GSTO1: variants seen among roughly 807,000 people sequenced by gnomAD.
GSTO1 encodes the protein glutathione S-transferase omega 1, also known as glutathione S-transferase omega-1.
Under a neutral mutation model 23.8 loss-of-function variants are expected in GSTO1, and 27 were observed. The ratio of observed to expected loss-of-function variants is 1.13; its 90% CI spans 0.83 to 1.56. GSTO1 has a LOEUF of 1.56. GSTO1 is among the 40% of genes most tolerant of loss of function. The pLI, the probability that GSTO1 is intolerant of heterozygous loss-of-function variation, is 0.00. For synonymous variants in GSTO1, 105 were observed against 109.3 expected (o/e 0.96, Z 0.25); for missense variants, 255 against 285.8 (o/e 0.89, Z 0.78).
intron 2 of GSTO1, 77 bp from the exon 3 acceptor site, chr10:104,259,499 T>C (rs1286947600): frequency 1.1e-6 from 1 of 876,514 alleles, no homozygotes; most frequent in African/African-American, 1.7e-5. Flanking sequence ...GCTAAGTGGA[T>C]GGCAAAGCCA....
rs1807285538 is a variant in GSTO1 at position 104,255,288 on chromosome 10, G to A, written c.143+17G>A. On this transcript the variant is annotated intron_variant, in intron 2 of 5. Coordinates refer to ENST00000369713, the MANE Select transcript of GSTO1 (RefSeq NM_004832.3). ...GGGAATCAGGTGGGCACCCAGGCGGGGGACGCTCCCCGAGCCGTCCGGGAG... is the reference window on the plus strand; with the variant it reads ...GGGAATCAGGTGGGCACCCAGGCGGAGGACGCTCCCCGAGCCGTCCGGGAG... The A allele has an allele frequency of 6.4e-7, 1 of 1,555,668 alleles. No homozygotes were observed. The highest frequency in any genetic ancestry group is 1.7e-5 in the Admixed American group (1 of 59,822).
chr10:104,264,541 C>T (rs757096433), intron 4 of GSTO1, among the ~76,000 whole-genome samples: 4 of 152,204 alleles, frequency 2.6e-5, no homozygotes, highest in Non-Finnish European at 4.4e-5. Flanking sequence ...AATTCGCCTT[C>T]TTAAAATTTC....
intron 5 of GSTO1, among the ~76,000 whole-genome samples, chr10:104,266,703 C>T (rs1040661457): frequency 6.6e-6 from 1 of 150,646 alleles, no homozygotes; most frequent in African/African-American, 2.5e-5. Context: ...CACTGAACTC[C>T]AGCCTGGGCA....
intron 2 of GSTO1, among the ~76,000 whole-genome samples, chr10:104,256,886 ATT>A (rs112642328): frequency 0.024 from 3,459 of 144,678 alleles, 133 homozygotes; most frequent in African/African-American, 0.081. Context: ...GAGCCAAATA[ATT>A]TTTTTTTTTT....
At position 104,254,892 on chromosome 10, in the gene GSTO1, G is replaced by A; in HGVS notation, c.-37G>A. On this transcript the variant is annotated 5_prime_UTR_variant, in exon 1 of 6. Coordinates refer to ENST00000369713, the MANE Select transcript of GSTO1 (RefSeq NM_004832.3). ...GCGCCACCTACTTCCTGAATCCCCTGCAAACCCCAGAGGAGCTCGGCCTGC... is the reference window on the plus strand; with the variant it reads ...GCGCCACCTACTTCCTGAATCCCCTACAAACCCCAGAGGAGCTCGGCCTGC... The A allele has an allele frequency of 1.2e-6, 2 of 1,606,704 alleles. No homozygotes were observed. The highest frequency in any genetic ancestry group is 1.7e-6 in the Non-Finnish European group (2 of 1,176,080).
intron 2 of GSTO1, among the ~76,000 whole-genome samples, chr10:104,256,110 G>C (rs1378365742): frequency 6.6e-6 from 1 of 152,066 alleles, no homozygotes; most frequent in Admixed American, 6.5e-5. Flanking sequence ...AATCTTTAGG[G>C]GTAGGCAATT....
At chr10:104,259,174 G>C (rs1385499130) in intron 2 of GSTO1, among the ~76,000 whole-genome samples, 1 of 152,178 alleles carries the variant, frequency 6.6e-6, no homozygotes, top group African/African-American at 2.4e-5. Flanking sequence ...ATGAAATCAA[G>C]TTCTCAAAGA....
chr10:104,259,915 G>C (rs1386565950), intron 3 of GSTO1, 117 bp downstream of exon 3: 2 of 679,310 alleles, frequency 2.9e-6, no homozygotes, highest in Non-Finnish European at 2.6e-6. Flanking sequence ...GAATATGCTT[G>C]TCAGCTCTGA....
In GSTO1 at chr10:104,255,012, G is replaced by A; in HGVS notation, c.34+50G>A. On this transcript the variant is annotated intron_variant, in intron 1 of 5. Transcript: ENST00000369713. ...GGGGTGATCTCGGCGACCCCCGGCG[G>A]CATGTTCGAGGCTGCTCCGGGAGCC... The A allele has an allele frequency of 2.8e-6, 4 of 1,417,896 alleles. No individual in the cohort carries two copies. In the Admixed American group the frequency reaches 5.5e-5, roughly 20 times the overall value. The allele number at this position is 1,417,896 out of a possible 1,614,324, so 87.8% of individuals were successfully genotyped here. A position where few individuals can be genotyped will look rare whatever the true frequency, so the allele number is the denominator to read the frequency against.
chr10:104,261,813 G>C (rs533694652), intron 3 of GSTO1, among the ~76,000 whole-genome samples: 2 of 152,260 alleles, frequency 1.3e-5, no homozygotes, highest in South Asian at 4.1e-4. Flanking sequence ...AGGATGAGTG[G>C]ACTTCTGCGT....
At chr10:104,260,834 A>G (rs934731499) in intron 3 of GSTO1, among the ~76,000 whole-genome samples, 1 of 152,192 alleles carries the variant, frequency 6.6e-6, no homozygotes, top group Non-Finnish European at 1.5e-5. Context: ...GGACAGGAAG[A>G]GTGAGTCATC....
chr10:104,256,787 T>TA (rs559189356), intron 2 of GSTO1, among the ~76,000 whole-genome samples: 3,518 of 152,160 alleles, frequency 0.023, 134 homozygotes, highest in African/African-American at 0.08. Flanking sequence ...TTTTTTTTTT[T>TA]AAATAACAAA....
upstream of GSTO1, chr10:104,254,850 A>G: frequency 7.3e-7 from 1 of 1,366,936 alleles, no homozygotes; most frequent in Non-Finnish European, 1.0e-6. Flanking sequence ...GGGGGAGGGA[A>G]GGAGGGCGGG....
In GSTO1 at chr10:104,255,171, C is replaced by G; in HGVS notation, c.43C>G (p.Pro15Ala). The G allele has an allele frequency of 1.2e-6, 2 of 1,611,900 alleles. No homozygotes were observed. The highest frequency in any genetic ancestry group is 1.7e-6 in the Non-Finnish European group (2 of 1,178,268). The stretch of plus-strand genomic sequence containing the variant: ...TCGCTTCTCCCCGGCAGGAAGCGCG[C>G]CCCCGGGGCCGGTCCCGGAGGGCTC... ...SARSLGKGSA[P>A]PGPVPEGSIR... The change falls in exon 2 of 6, where the codon CCC becomes GCC. Residue 15 changes from proline to alanine, a missense_variant. Physicochemically the swap from Pro to Ala is conservative, Grantham distance 27. Coordinates refer to ENST00000369713, the MANE Select transcript of GSTO1 (RefSeq NM_004832.3).
intron 2 of GSTO1, among the ~76,000 whole-genome samples, 156 bp downstream of exon 2, chr10:104,255,427 T>C (rs1270522794): frequency 6.6e-6 from 1 of 152,210 alleles, no homozygotes; most frequent in South Asian, 2.1e-4. Flanking sequence ...TAGCAAGTTA[T>C]AGGCCATTCC....
intron 3 of GSTO1, among the ~76,000 whole-genome samples, chr10:104,262,323 A>G (rs1011463018): frequency 1.3e-5 from 2 of 152,256 alleles, no homozygotes; most frequent in Non-Finnish European, 1.5e-5. Context: ...CCATTAGGCC[A>G]TTTCTCAGCA....
At position 104,267,318 on chromosome 10, in the gene GSTO1, A is replaced by G. The variant is rs2011205193; in HGVS notation, c.639A>G (p.Ser213=). The G allele has an allele frequency of 6.2e-7, 1 of 1,613,436 alleles. No homozygotes were observed. Among genetic ancestry groups the G allele is most frequent in the South Asian group, 1.1e-5 (1 of 91,070 alleles). ...MAAMKEDPTV[S]ALLTSEKDWQ... ...CCATGAAGGAAGATCCCACAGTCTC[A>G]GCCCTGCTTACTAGTGAGAAAGACT... is the stretch of plus-strand genomic sequence containing the variant. The change falls in exon 6 of 6, where the codon TCA becomes TCG. Residue 213 remains serine, a synonymous_variant. Transcript: ENST00000369713.
At chr10:104,264,550 T>G (rs559200757) in intron 4 of GSTO1, among the ~76,000 whole-genome samples, 3 of 152,246 alleles carry the variant, frequency 2.0e-5, no homozygotes, top group Non-Finnish European at 2.9e-5. Flanking sequence ...TCTTAAAATT[T>G]CAGAAACATA....
At chr10:104,262,204 A>G (rs901310426) in intron 3 of GSTO1, among the ~76,000 whole-genome samples, 1 of 152,186 alleles carries the variant, frequency 6.6e-6, no homozygotes, top group African/African-American at 2.4e-5. Flanking sequence ...CAGAGTAGAA[A>G]TGGCATCAGT....
Sources: gnomAD v4.1 joint callset for allele counts (sites outside exome capture counted in the v4.1 genomes callset) on GRCh38, gnomAD v4.1.1 for gene constraint, MANE v1.5 for transcripts, NCBI Gene and HGNC (gene_info 2026-07-23, HGNC 2026-07-21) for gene names.